Variants in LONP1 observed in about 807,000 individuals in gnomAD.
LONP1 encodes lon peptidase 1, mitochondrial, also known as lon protease homolog, mitochondrial.
LONP1 carries 31 observed loss-of-function variants against 98.5 expected under a neutral mutation model. That is an observed-to-expected ratio of 0.31 (90% confidence interval 0.24 to 0.42). LONP1 has a LOEUF of 0.42. Among genes scored for constraint, LONP1 ranks in the 20% least tolerant of loss-of-function variants. LONP1 has a pLI of 1.00. For synonymous variants in LONP1, 781 were observed against 594.7 expected (o/e 1.31, Z -4.56); for missense variants, 1,336 against 1,350.6 (o/e 0.99, Z 0.17).
chr19:5,713,000 G>A, intron 3 of LONP1, 134 bp downstream of exon 3: 2 of 1,225,134 alleles, frequency 1.6e-6, no homozygotes, highest in Admixed American at 3.6e-5. Flanking sequence ...CCCCAGCTCT[G>A]GCCTCAGTGC....
intron 9 of LONP1, 98 bp from the exon 10 acceptor site, chr19:5,699,303 G>C: frequency 9.8e-7 from 1 of 1,020,096 alleles, no homozygotes; most frequent in Non-Finnish European, 1.3e-6. Flanking sequence ...AGACGTCTGA[G>C]GGCTGCGAGA....
rs745952467 is a variant in LONP1 at position 5,693,575 on chromosome 19, G to T, written c.2515C>A (p.His839Asn). 1.9e-6 allele frequency: 3 copies of T among 1,614,104 alleles called. No homozygotes were observed. The highest frequency in any genetic ancestry group is 2.7e-5 in the African/African-American group (2 of 75,048). ...ACCTCGGGCACATGCAGGTGGATGT[G>T]TGAGGTCACCAGGTAGTCATTGGCG... is the stretch of plus-strand genomic sequence containing the variant. Reference protein sequence around the residue: ...APANDYLVTSHIHLHVPEGAT... With the variant: ...APANDYLVTSNIHLHVPEGAT... Residue 839 changes from histidine (H) to asparagine (N), a missense_variant, in exon 16 of 18, where the codon CAC becomes AAC. By Grantham distance (68) the His-to-Asn change is moderately conservative. Transcript: ENST00000360614.
chr19:5,692,210 T>TG lies in LONP1; in HGVS notation c.2704-3dup, dbSNP rs780797780. 1 of 1,609,070 alleles carries TG rather than the reference T, an allele frequency of 6.2e-7. No individual in the cohort carries two copies. The highest frequency in any genetic ancestry group is 1.3e-5 in the African/African-American group (1 of 74,836). On this transcript the variant is annotated splice_polypyrimidine_tract_variant and splice_region_variant and intron_variant, in intron 17 of 17. Transcript: ENST00000360614. ...GCACGTCACCCCTGCGCGCTTGGCCTGGGGGCAGAGTCAGGGTCAGCCCTG... is the reference window on the plus strand; with the variant it reads ...GCACGTCACCCCTGCGCGCTTGGCCTGGGGGGCAGAGTCAGGGTCAGCCCTG...
intron 12 of LONP1, 32 bp downstream of exon 12, chr19:5,696,217 C>A: frequency 6.2e-7 from 1 of 1,612,804 alleles, no homozygotes; most frequent in Non-Finnish European, 8.5e-7. Context: ...TTACCCTCCC[C>A]AGCAAGCCCA....
chr19:5,692,210 TG>T lies in LONP1; in HGVS notation c.2704-3del. 6.2e-7 allele frequency: 1 copy of T among 1,609,188 alleles called. No individual in the cohort carries two copies. The highest frequency in any genetic ancestry group is 8.5e-7 in the Non-Finnish European group (1 of 1,176,924). ...GCACGTCACCCCTGCGCGCTTGGCC[TG>T]GGGGCAGAGTCAGGGTCAGCCCTGC... On this transcript the variant is annotated splice_polypyrimidine_tract_variant and splice_region_variant and intron_variant, in intron 17 of 17. Transcript: ENST00000360614.
Position 5,707,069 on chromosome 19 carries a change from C to G in LONP1, c.1137G>C (p.Leu379=), listed in dbSNP as rs765342528. The change falls in exon 7 of 18, where the codon CTG becomes CTC. Residue 379 remains leucine, a synonymous_variant. Transcript: ENST00000360614. Reference sequence around the variant, plus strand: ...TCAGCCGCGGGCTCACCTCCCGCCCCAGGCGCTGCTGCAGCTTGCTCAGTT... The same window carrying G: ...TCAGCCGCGGGCTCACCTCCCGCCCGAGGCGCTGCTGCAGCTTGCTCAGTT... ...EFELSKLQQR[L]GREVEEKIKQ... 4 of 1,611,790 alleles carry G rather than the reference C, an allele frequency of 2.5e-6. No individual in the cohort carries two copies. The East Asian group carries it at 8.9e-5, about 36-fold the overall frequency.
intron 4 of LONP1, among the ~76,000 whole-genome samples, chr19:5,709,242 A>T (rs991651720): frequency 4.6e-5 from 7 of 151,308 alleles, no homozygotes; most frequent in African/African-American, 1.7e-4. Context: ...TAACACCAAC[A>T]CTTTGGGAGG....
Position 5,692,215 on chromosome 19 carries a change from G to C in LONP1, c.2704-7C>G. The C allele has an allele frequency of 6.2e-7, 1 of 1,608,018 alleles. No individual in the cohort carries two copies. Among genetic ancestry groups the C allele is most frequent in the Middle Eastern group, 1.7e-4 (1 of 6,020 alleles). ...TCACCCCTGCGCGCTTGGCCTGGGG[G>C]CAGAGTCAGGGTCAGCCCTGCCTGG... On this transcript the variant is annotated splice_polypyrimidine_tract_variant and splice_region_variant and intron_variant, in intron 17 of 17. Transcript: ENST00000360614.
At chr19:5,713,592 G>A (rs546524672) in intron 2 of LONP1, among the ~76,000 whole-genome samples, 9 of 152,102 alleles carry the variant, frequency 5.9e-5, no homozygotes, top group Admixed American at 2.0e-4. Flanking sequence ...ATGGAGTTTC[G>A]CTCTTGTTGC....
intron 1 of LONP1, among the ~76,000 whole-genome samples, chr19:5,719,328 A>C (rs978039059): frequency 2.6e-5 from 4 of 152,228 alleles, no homozygotes; most frequent in African/African-American, 9.6e-5. Flanking sequence ...GAGGCTCGTA[A>C]CCAGACGGCA....
Position 5,708,375 on chromosome 19 carries a change from A to G in LONP1, c.899T>C (p.Ile300Thr), listed in dbSNP as rs1303823278. ...AGGGTTCAAGGCAATGATGTCCCGG[A>G]TGGTCTTCACGATCTCTGCAGTCAG... ...KALTAEIVKTIRDIIALNPLY... is the reference protein window; with the variant it reads ...KALTAEIVKTTRDIIALNPLY... The change falls in exon 5 of 18, where the codon ATC (isoleucine) becomes ACC (threonine). Residue 300 changes from isoleucine (I) to threonine (T), a missense_variant. Ile to Thr is a moderately conservative substitution (Grantham distance 89, BLOSUM62 -1). This residue lies in a region of LONP1 where 97 missense variants were observed against 139.0 expected (regional missense o/e 0.70). Coordinates refer to ENST00000360614, the MANE Select transcript of LONP1 (RefSeq NM_004793.4). 2 of 1,295,260 alleles carry G rather than the reference A, an allele frequency of 1.5e-6. No homozygotes were observed. Among genetic ancestry groups the G allele is most frequent in the Non-Finnish European group, 2.0e-6 (2 of 980,080 alleles). 80.2% of individuals were successfully genotyped at this position (1,295,260 alleles called of 1,614,324 possible). A position where few individuals can be genotyped will look rare whatever the true frequency, so the allele number is the denominator to read the frequency against.
intron 11 of LONP1, 117 bp from the exon 12 acceptor site, chr19:5,696,488 G>A: frequency 7.0e-7 from 1 of 1,422,006 alleles, no homozygotes; most frequent in Non-Finnish European, 9.6e-7. Flanking sequence ...CCCACACCCT[G>A]CCTTGGACGG....
Position 5,699,259 on chromosome 19 carries a change from G to A in LONP1, c.1507-54C>T, listed in dbSNP as rs1010954970. ...CGTGAGCTGGGGAAGCCGGGGACCC[G>A]CGCATGACTCTCGCCACCTGCACAC... On this transcript the variant is annotated intron_variant, in intron 9 of 17. Coordinates refer to ENST00000360614, the MANE Select transcript of LONP1 (RefSeq NM_004793.4). 1.6e-5 allele frequency: 22 copies of A among 1,411,922 alleles called. No individual in the cohort carries two copies. In the East Asian group the frequency reaches 2.1e-4, roughly 13 times the overall value. 87.5% of individuals were successfully genotyped at this position (1,411,922 alleles called of 1,614,324 possible).
At chr19:5,710,620 C>T (rs1346516901) in intron 4 of LONP1, among the ~76,000 whole-genome samples, 1 of 152,084 alleles carries the variant, frequency 6.6e-6, no homozygotes, top group Non-Finnish European at 1.5e-5. Context: ...TCAAGTGATC[C>T]TCCTTCCTTG....
intron 10 of LONP1, among the ~76,000 whole-genome samples, chr19:5,697,800 C>A (rs1466364553): frequency 6.6e-6 from 1 of 152,026 alleles, no homozygotes; most frequent in South Asian, 2.1e-4. Context: ...GACGCCTGCC[C>A]TCCCCGCAGC....
intron 8 of LONP1, among the ~76,000 whole-genome samples, chr19:5,702,226 C>G (rs55989717): frequency 0.031 from 4,537 of 146,912 alleles, 70 homozygotes; most frequent in East Asian, 0.066. Flanking sequence ...CCCCGCCCGG[C>G]TAGCCGCCCC....
At chr19:5,702,193 G>A (rs2055062124) in intron 8 of LONP1, among the ~76,000 whole-genome samples, 1 of 151,040 alleles carries the variant, frequency 6.6e-6, no homozygotes, top group Non-Finnish European at 1.5e-5. Context: ...GCCCCCTCCG[G>A]GAGGGAGGAG....
At chr19:5,716,300 A>ATATATATATATATATATATATATATATAT (rs1568329236) in intron 1 of LONP1, among the ~76,000 whole-genome samples, 1 of 118,658 alleles carries the variant, frequency 8.4e-6, no homozygotes, top group Non-Finnish European at 1.7e-5. Context: ...ATATATATAT[A>ATATATATATATATATATATATATATATAT]GTAATGGCCC....
chr19:5,696,077 G>C lies in LONP1; in HGVS notation c.1990C>G (p.Gln664Glu), dbSNP rs1319441126. ...ACCTCCGCAATGGCCAGCTTCTCCTGGGCCACGTAGCCCGACACGTTGATC... is the reference window on the plus strand; with the variant it reads ...ACCTCCGCAATGGCCAGCTTCTCCTCGGCCACGTAGCCCGACACGTTGATC... ...EMINVSGYVAQEKLAIAERYL... is the reference protein window; with the variant it reads ...EMINVSGYVAEEKLAIAERYL... The change falls in exon 13 of 18, where the codon CAG becomes GAG. Residue 664 changes from glutamine to glutamate, a missense_variant. Physicochemically the swap from Gln to Glu is conservative, Grantham distance 29. Coordinates refer to ENST00000360614, the MANE Select transcript of LONP1 (RefSeq NM_004793.4). 3 of 1,612,818 alleles carry C rather than the reference G, an allele frequency of 1.9e-6. No homozygotes were observed. The Admixed American group carries it at 5.0e-5, about 27-fold the overall frequency.
Sources: allele counts gnomAD v4.1 joint callset (sites outside exome capture counted in the v4.1 genomes callset), GRCh38; gene constraint gnomAD v4.1.1; regional missense constraint gnomAD v4.1.1; transcripts MANE v1.5; gene names NCBI Gene and HGNC (gene_info 2026-07-23, HGNC 2026-07-21).